LILRA1: variants seen among roughly 807,000 people sequenced by gnomAD.
LILRA1 encodes leukocyte immunoglobulin-like receptor subfamily A member 1.
A neutral mutation model predicts 51.6 loss-of-function variants in LILRA1; 51 were observed. The observed-to-expected ratio is 0.99, with a 90% CI of 0.79 to 1.25. The LOEUF is 1.25. Among genes scored for constraint, LILRA1 ranks in the 50% most tolerant of loss-of-function variants. The probability of loss-of-function intolerance (pLI) is 0.00; values close to 1 mark genes in which losing one functional copy is unlikely to be tolerated. For synonymous variants in LILRA1, 305 were observed against 248.4 expected, an observed-to-expected ratio of 1.23 and a Z score of -2.14; for missense variants, 660 against 611.7, an observed-to-expected ratio of 1.08 and a Z score of -0.83.
In LILRA1 at chr19:54,594,701, G is replaced by T; in HGVS notation, c.107G>T (p.Gly36Val). Residue 36 changes from glycine to valine, a missense_variant, in exon 4 of 10, where the codon GGC (glycine) becomes GTC (valine). Coordinates refer to ENST00000251372, the MANE Select transcript of LILRA1 (RefSeq NM_006863.4). The part of the protein sequence containing the change: ...LPKPTLWAEP[G>V]SVITQGSPVT... ...AAGCCCACACTCTGGGCTGAGCCAG[G>T]CTCTGTGATCACCCAGGGGAGTCCC... is the stretch of plus-strand genomic sequence containing the variant. 1 of 1,613,658 alleles carries T rather than the reference G, an allele frequency of 6.2e-7. No individual in the cohort carries two copies. The highest frequency in any genetic ancestry group is 8.5e-7 in the Non-Finnish European group (1 of 1,179,790).
At chr19:54,593,895 G>C (rs1308351301) in intron 1 of LILRA1, 114 bp downstream of exon 1, 5 of 583,568 alleles carry the variant, frequency 8.6e-6, no homozygotes, top group Non-Finnish European at 1.6e-5. Flanking sequence ...AAGGGCAGAC[G>C]CAGAAAGCAC....
chr19:54,599,454 A>C (rs2063127179), intron 8 of LILRA1, 168 bp downstream of exon 8: 1 of 1,278,012 alleles, frequency 7.8e-7, no homozygotes, highest in Admixed American at 2.8e-5. Context: ...ATTCCTTTAC[A>C]TTTTTAAAAT....
chr19:54,599,759 G>T (rs2063132034), intron 8 of LILRA1: 2 of 407,170 alleles, frequency 4.9e-6, no homozygotes, highest in Admixed American at 5.4e-5. Flanking sequence ...TTTTGAATAT[G>T]TGTGTAAGTA....
chr19:54,600,188 G>T (rs1210027454), intron 8 of LILRA1, among the ~76,000 whole-genome samples: 2 of 152,098 alleles, frequency 1.3e-5, no homozygotes, highest in African/African-American at 4.8e-5. Flanking sequence ...CTCATCTCTG[G>T]GGGAATTGGC....
In LILRA1 at chr19:54,602,124, T is replaced by C. The variant is rs1303248137; in HGVS notation, c.*1307T>C. On this transcript the variant is annotated 3_prime_UTR_variant, in exon 10 of 10. Coordinates refer to ENST00000251372, the MANE Select transcript of LILRA1 (RefSeq NM_006863.4). ...AATAAAGAAATCTTATCATTCACCG[T>C]CTACCCTCTAGAGTAAACAAATCTT... The C allele has an allele frequency of 6.6e-6, 1 of 152,122 alleles. No individual in the cohort carries two copies. Among genetic ancestry groups the C allele is most frequent in the Non-Finnish European group, 1.5e-5 (1 of 68,044 alleles). 9.4% of individuals were successfully genotyped at this position (152,122 alleles called of 1,614,324 possible). A position where few individuals can be genotyped will look rare whatever the true frequency, so the allele number is the denominator to read the frequency against.
At chr19:54,598,492 G>C (rs752344101) in intron 7 of LILRA1, among the ~76,000 whole-genome samples, 24 of 152,166 alleles carry the variant, frequency 1.6e-4, no homozygotes, top group Non-Finnish European at 3.2e-4. Flanking sequence ...GTCAGCGGGA[G>C]CTACAGTGCA....
chr19:54,596,457 T>C lies in LILRA1; in HGVS notation c.1227T>C (p.Ser409=). 6.2e-7 allele frequency: 1 copy of C among 1,614,076 alleles called. No individual in the cohort carries two copies. Among genetic ancestry groups the C allele is most frequent in the Non-Finnish European group, 8.5e-7 (1 of 1,180,000 alleles). The part of the protein sequence containing the change: ...GSLSSNPYLL[S]HPSDSLELMV... ...TCAGCTCCAACCCCTACCTGCTGTC[T>C]CACCCCAGTGACTCCCTGGAGCTCA... is the stretch of plus-strand genomic sequence containing the variant. Residue 409 remains serine, a synonymous_variant, in exon 7 of 10, where the codon TCT becomes TCC. Transcript: ENST00000251372.
chr19:54,599,197 C>T, intron 7 of LILRA1, 39 bp from the exon 8 acceptor site: 3 of 1,515,092 alleles, frequency 2.0e-6, no homozygotes, highest in South Asian at 2.2e-5. Flanking sequence ...ATATAAGTTA[C>T]CTCTGAATAT....
At chr19:54,595,957 G>C (rs1444059914) in intron 6 of LILRA1, 22 bp downstream of exon 6, 1 of 1,611,210 alleles carries the variant, frequency 6.2e-7, no homozygotes, top group African/African-American at 1.3e-5. Context: ...AGCGGGTTCA[G>C]TCAGGGACAC....
chr19:54,594,877 C>T lies in LILRA1; in HGVS notation c.283C>T (p.Arg95Trp), dbSNP rs372024491. The change falls in exon 4 of 10, where the codon CGG (arginine) becomes TGG (tryptophan). Residue 95 changes from arginine to tryptophan, a missense_variant. Coordinates refer to ENST00000251372, the MANE Select transcript of LILRA1 (RefSeq NM_006863.4). ...ATCCATCACCTGGGAACACACAGGG[C>T]GGTATCGCTGTTTCTACGGTAGCCA... is the stretch of plus-strand genomic sequence containing the variant. ...IPSITWEHTG[R>W]YRCFYGSHTA... is the part of the protein sequence containing the mutation. 1.5e-4 allele frequency: 240 copies of T among 1,614,154 alleles called. No homozygotes were observed. The highest frequency in any genetic ancestry group is 1.8e-4 in the Non-Finnish European group (208 of 1,179,992).
chr19:54,600,396 A>T (rs2063142376), intron 8 of LILRA1, 116 bp from the exon 9 acceptor site: 12 of 935,936 alleles, frequency 1.3e-5, no homozygotes, highest in Non-Finnish European at 1.7e-6. Context: ...GCTACACAGG[A>T]AGGGTTTATT....
intron 7 of LILRA1, among the ~76,000 whole-genome samples, chr19:54,596,767 T>C (rs543393364): frequency 1.3e-5 from 2 of 152,054 alleles, no homozygotes; most frequent in South Asian, 4.2e-4. Context: ...CTCGGGAGGC[T>C]GAGGCAGGAG....
rs375962849 is a variant in LILRA1, at chr19:54,600,576, C to T, written c.1351+26C>T. 7.3e-5 allele frequency: 118 copies of T among 1,613,800 alleles called. No homozygotes were observed. In the East Asian group the frequency reaches 1.1e-3, roughly 16 times the overall value. Reference sequence around the variant, plus strand: ...GTGAGTGAGGAGATGCTCTCGTTTACGGTGCTGGGCACAAGGGTTGGGTCC... The same window carrying T: ...GTGAGTGAGGAGATGCTCTCGTTTATGGTGCTGGGCACAAGGGTTGGGTCC... On this transcript the variant is annotated intron_variant, in intron 9 of 9. Coordinates refer to ENST00000251372, the MANE Select transcript of LILRA1 (RefSeq NM_006863.4).
intron 4 of LILRA1, 63 bp downstream of exon 4, chr19:54,595,015 G>A (rs2063002044): frequency 1.2e-6 from 2 of 1,604,540 alleles, no homozygotes; most frequent in Non-Finnish European, 1.7e-6. Flanking sequence ...TCAGTTCTCA[G>A]GGGCATCTCC....
At position 54,600,687 on chromosome 19, in the gene LILRA1, C is replaced by T; in HGVS notation, c.1352-12C>T. 6.2e-7 allele frequency: 1 copy of T among 1,613,932 alleles called. No individual in the cohort carries two copies. Among genetic ancestry groups the T allele is most frequent in the African/African-American group, 1.3e-5 (1 of 74,982 alleles). On this transcript the variant is annotated splice_polypyrimidine_tract_variant and intron_variant, in intron 9 of 9. Coordinates refer to ENST00000251372, the MANE Select transcript of LILRA1 (RefSeq NM_006863.4). ...CCCTGACCTCTGTGACCTCTTTGCCCACCATCCCCAGCCTCACACCCCCAG... is the reference window on the plus strand; with the variant it reads ...CCCTGACCTCTGTGACCTCTTTGCCTACCATCCCCAGCCTCACACCCCCAG...
At position 54,594,953 on chromosome 19, in the gene LILRA1, G is replaced by A. The variant is rs747045313; in HGVS notation, c.358+1G>A. ...GACCCCCTGGAGCTGGTGGTGACAG[G>A]TGAGCTGACACTGAGGGCTCCCAGC... On this transcript the variant is annotated splice_donor_variant, in intron 4 of 9. Transcript: ENST00000251372. LOFTEE classifies it high-confidence loss of function. 13 of 1,613,758 alleles carry A rather than the reference G, an allele frequency of 8.1e-6. No individual in the cohort carries two copies. The highest frequency in any genetic ancestry group is 2.2e-5 in the East Asian group (1 of 44,890).
chr19:54,599,853 G>C, intron 8 of LILRA1: 1 of 169,182 alleles, frequency 5.9e-6, no homozygotes, highest in African/African-American at 2.4e-5. Context: ...TCCTGGTCTA[G>C]ATTCACCTAG....
Position 54,595,703 on chromosome 19 carries a change from G to C in LILRA1, c.726G>C (p.Leu242=), listed in dbSNP as rs1326964372. 1 of 1,614,044 alleles carries C rather than the reference G, an allele frequency of 6.2e-7. No homozygotes were observed. The change falls in exon 6 of 10, where the codon CTG becomes CTC. Residue 242 remains leucine, a synonymous_variant. Coordinates refer to ENST00000251372, the MANE Select transcript of LILRA1 (RefSeq NM_006863.4). ...PGPIVAPGES[L]TLQCVSDVSY... Reference sequence around the variant, plus strand: ...CTATAGTGGCCCCTGGGGAGAGCCTGACCCTCCAGTGTGTTTCTGATGTCA... The same window carrying C: ...CTATAGTGGCCCCTGGGGAGAGCCTCACCCTCCAGTGTGTTTCTGATGTCA...
In LILRA1 at chr19:54,601,125, T is replaced by C; in HGVS notation, c.*308T>C. On this transcript the variant is annotated 3_prime_UTR_variant, in exon 10 of 10. Coordinates refer to ENST00000251372, the MANE Select transcript of LILRA1 (RefSeq NM_006863.4). ...TGAGGCTACATCCCACATGGCAGCG[T>C]TGGGTCCACACCTCTGCACATCTGT... The C allele has an allele frequency of 2.1e-6, 1 of 478,516 alleles. No individual in the cohort carries two copies. Among genetic ancestry groups the C allele is most frequent in the Non-Finnish European group, 3.8e-6 (1 of 261,940 alleles). 29.6% of individuals were successfully genotyped at this position (478,516 alleles called of 1,614,324 possible). A position where few individuals can be genotyped will look rare whatever the true frequency, so the allele number is the denominator to read the frequency against.
Sources: allele counts gnomAD v4.1 joint callset (sites outside exome capture counted in the v4.1 genomes callset), GRCh38; gene constraint gnomAD v4.1.1; transcripts MANE v1.5; gene names NCBI Gene and HGNC (gene_info 2026-07-23, HGNC 2026-07-21).